KLRK1: variants seen among roughly 807,000 people sequenced by gnomAD.
KLRK1 encodes killer cell lectin like receptor K1, also known as NKG2-D type II integral membrane protein.
KLRK1 carries 40 observed loss-of-function variants against 31.3 expected under a neutral mutation model. The ratio of observed to expected loss-of-function variants is 1.28; its 90% CI spans 0.99 to 1.67. The LOEUF (loss-of-function observed/expected upper bound fraction) is 1.67, where lower values mean the gene tolerates loss of function less well. Among genes scored for constraint, KLRK1 ranks in the 40% most tolerant of loss-of-function variants. The pLI is 0.00. For synonymous variants in KLRK1, 77 were observed against 77.3 expected (o/e 1.00, Z 0.02); for missense variants, 251 against 260.0 (o/e 0.97, Z 0.24).
At chr12:10,382,596 T>G (rs1863096166) in intron 3 of KLRK1, among the ~76,000 whole-genome samples, 1 of 151,828 alleles carries the variant, frequency 6.6e-6, no homozygotes, top group African/African-American at 2.4e-5. Context: ...TAAAGAGAGT[T>G]TTTTCAGTCA....
chr12:10,376,112 A>C (rs1341912978), intron 7 of KLRK1, among the ~76,000 whole-genome samples: 2 of 152,220 alleles, frequency 1.3e-5, no homozygotes, highest in Non-Finnish European at 2.9e-5. Context: ...ACTGTCTGAA[A>C]AGATTTAGGG....
At chr12:10,383,944 G>T (rs1474813270) in intron 3 of KLRK1, among the ~76,000 whole-genome samples, 1 of 152,032 alleles carries the variant, frequency 6.6e-6, no homozygotes, top group Non-Finnish European at 1.5e-5. Context: ...ACAAAAATCA[G>T]TAGTGTTTCT....
At chr12:10,374,261 C>T (rs925284055) in intron 7 of KLRK1, 2 of 152,482 alleles carry the variant, frequency 1.3e-5, no homozygotes, top group East Asian at 3.9e-4. Context: ...AATACACCCA[C>T]CTCGGCCTCC....
rs199894132 is a variant in KLRK1, at chr12:10,378,752, T to C, written c.278-47A>G. On this transcript the variant is annotated intron_variant, in intron 5 of 7. Transcript: ENST00000240618. The stretch of plus-strand genomic sequence containing the variant: ...TTAATTCTACACATCTGAACCATTA[T>C]AGCAGATTTTGTCTAGACAAATTAA... 2.5e-5 allele frequency: 39 copies of C among 1,533,070 alleles called. No individual in the cohort carries two copies. In the African/African-American group the frequency reaches 2.6e-4, roughly 10 times the overall value. The allele number at this position is 1,533,070 out of a possible 1,614,324, so 95.0% of individuals were successfully genotyped here.
rs1862887399 is a variant in KLRK1, at chr12:10,372,870, G to A, written c.*244C>T. On this transcript the variant is annotated 3_prime_UTR_variant, in exon 8 of 8. Transcript: ENST00000240618. ...CCCAGCCCATCCACTCTGGGCTTGT[G>A]GTGGGAGAGGCAGCCTTGGGGATAT... The A allele has an allele frequency of 2.4e-6, 1 of 420,444 alleles. No individual in the cohort carries two copies. The highest frequency in any genetic ancestry group is 2.7e-5 in the South Asian group (1 of 37,094). The allele number at this position is 420,444 out of a possible 1,614,324, so 26.0% of individuals were successfully genotyped here. A position where few individuals can be genotyped will look rare whatever the true frequency, so the allele number is the denominator to read the frequency against.
intron 3 of KLRK1, among the ~76,000 whole-genome samples, 160 bp downstream of exon 3, chr12:10,386,743 A>G (rs1863173265): frequency 6.6e-6 from 1 of 151,820 alleles, no homozygotes; most frequent in African/African-American, 2.4e-5. Flanking sequence ...TTTTAATACC[A>G]TAATTTTATT....
rs774768144 is a variant in KLRK1, at chr12:10,378,717, GAATAT to G, written c.278-17_278-13del. 6.3e-7 allele frequency: 1 copy of G among 1,585,040 alleles called. No individual in the cohort carries two copies. Among genetic ancestry groups the G allele is most frequent in the Admixed American group, 2.0e-5 (1 of 50,926 alleles). ...GCCACAGTAACTTTCTGGAAAAGGAGAATATATTATTAATTCTACACATCTGAACC... is the reference window on the plus strand; with the variant it reads ...GCCACAGTAACTTTCTGGAAAAGGAGATTATTAATTCTACACATCTGAACC... On this transcript the variant is annotated splice_polypyrimidine_tract_variant and intron_variant, in intron 5 of 7. Transcript: ENST00000240618.
chr12:10,385,857 A>G (rs1052365978), intron 3 of KLRK1, among the ~76,000 whole-genome samples: 11 of 152,080 alleles, frequency 7.2e-5, no homozygotes, highest in Non-Finnish European at 1.5e-5. Flanking sequence ...GAATGGAAAT[A>G]TCACTGTATC....
Position 10,373,045 on chromosome 12 carries a change from A to G in KLRK1, c.*69T>C, listed in dbSNP as rs1351113. 0.71 allele frequency: 967,869 copies of G among 1,362,516 alleles called. 348,016 individuals are homozygous for G. The highest frequency in any genetic ancestry group is 0.89 in the East Asian group (37,480 of 42,266). The allele number at this position is 1,362,516 out of a possible 1,614,324, so 84.4% of individuals were successfully genotyped here. ...GTTTTTGTTTGTTTCCTTTAGTCTC[A>G]GTTGGCAGTGTTACCGCTGGTGTAA... On this transcript the variant is annotated 3_prime_UTR_variant, in exon 8 of 8. Coordinates refer to ENST00000240618, the MANE Select transcript of KLRK1 (RefSeq NM_007360.4).
intron 1 of KLRK1, 63 bp downstream of exon 1, chr12:10,389,880 G>A (rs531005220): frequency 1.3e-5 from 2 of 151,286 alleles, no homozygotes; most frequent in East Asian, 3.9e-4. Context: ...ATTTTTTTGA[G>A]GTTGAAATAT....
At chr12:10,384,191 A>G (rs1380406634) in intron 3 of KLRK1, among the ~76,000 whole-genome samples, 3 of 152,080 alleles carry the variant, frequency 2.0e-5, no homozygotes, top group African/African-American at 7.2e-5. Flanking sequence ...AAAGCAATCT[A>G]CAGATTCAGT....
chr12:10,372,860 C>A lies in KLRK1; in HGVS notation c.*254G>T, dbSNP rs1862887093. On this transcript the variant is annotated 3_prime_UTR_variant, in exon 8 of 8. Coordinates refer to ENST00000240618, the MANE Select transcript of KLRK1 (RefSeq NM_007360.4). ...GCACCCCTCCCCCAGCCCATCCACT[C>A]TGGGCTTGTGGTGGGAGAGGCAGCC... 2.5e-6 allele frequency: 1 copy of A among 407,652 alleles called. No individual in the cohort carries two copies. The highest frequency in any genetic ancestry group is 6.1e-5 in the East Asian group (1 of 16,402). 25.3% of individuals were successfully genotyped at this position (407,652 alleles called of 1,614,324 possible). A position where few individuals can be genotyped will look rare whatever the true frequency, so the allele number is the denominator to read the frequency against.
chr12:10,388,993 G>A (rs1284014618), intron 1 of KLRK1, 118 bp from the exon 2 acceptor site: 2 of 565,840 alleles, frequency 3.5e-6, no homozygotes, highest in Non-Finnish European at 5.9e-6. Context: ...TTTAAGAAAA[G>A]AATAGAAATG....
In KLRK1 at chr12:10,379,724, T is replaced by C; in HGVS notation, c.217A>G (p.Ile73Val). The change falls in exon 4 of 8, where the codon ATA becomes GTA. Residue 73 changes from isoleucine to valine, a missense_variant. Physicochemically the swap from Ile to Val is conservative, Grantham distance 29. Coordinates refer to ENST00000240618, the MANE Select transcript of KLRK1 (RefSeq NM_007360.4). ...CAGTTTAGGAATACAGCACTCCATA[T>C]TGTTACCATAATAATGAAACGGATT... ...MGIRFIIMVT[I>V]WSAVFLNSLF... 1 of 1,612,018 alleles carries C rather than the reference T, an allele frequency of 6.2e-7. No homozygotes were observed.
intron 7 of KLRK1, among the ~76,000 whole-genome samples, chr12:10,373,699 T>A (rs1373538144): frequency 9.8e-6 from 1 of 101,926 alleles, no homozygotes; most frequent in Non-Finnish European, 2.2e-5. Flanking sequence ...TGTATAAGTG[T>A]GTGTGTGTGT....
Position 10,373,014 on chromosome 12 carries a change from T to C in KLRK1, c.*100A>G. ...GAAATCTGACAGTCTTTGGTCATTT[T>C]GTCCTGTTTTTGTTTGTTTCCTTTA... On this transcript the variant is annotated 3_prime_UTR_variant, in exon 8 of 8. Transcript: ENST00000240618. 9.7e-7 allele frequency: 1 copy of C among 1,030,838 alleles called. No individual in the cohort carries two copies. The highest frequency in any genetic ancestry group is 1.5e-6 in the Non-Finnish European group (1 of 683,904). The allele number at this position is 1,030,838 out of a possible 1,614,324, so 63.9% of individuals were successfully genotyped here. A position where few individuals can be genotyped will look rare whatever the true frequency, so the allele number is the denominator to read the frequency against.
At chr12:10,376,653 T>TAAAG (rs1862972443) in intron 7 of KLRK1, among the ~76,000 whole-genome samples, 1 of 151,846 alleles carries the variant, frequency 6.6e-6, no homozygotes, top group Non-Finnish European at 1.5e-5. Context: ...CAGTAAATAA[T>TAAAG]AAAGATCAAA....
chr12:10,379,352 C>T, intron 5 of KLRK1, 95 bp downstream of exon 5: 2 of 674,184 alleles, frequency 3.0e-6, no homozygotes, highest in African/African-American at 1.9e-5. Flanking sequence ...GAATTAATTA[C>T]TTTTTCCTTT....
rs764433611 is a variant in KLRK1 at position 10,386,937 on chromosome 12, T to A, written c.114A>T (p.Arg38Ser). The A allele has an allele frequency of 3.7e-6, 6 of 1,612,176 alleles. No homozygotes were observed. In the Admixed American group the frequency reaches 6.7e-5, roughly 18 times the overall value. The change falls in exon 3 of 8, where the codon AGA becomes AGT. Residue 38 changes from arginine (R) to serine (S), a missense_variant. By Grantham distance (110) the Arg-to-Ser change is moderately radical. Coordinates refer to ENST00000240618, the MANE Select transcript of KLRK1 (RefSeq NM_007360.4). ...TACATTTGCTTTTGACTACTGGACATCTTTGCTTTTGCCATCGTGTTGAAA... is the reference window on the plus strand; with the variant it reads ...TACATTTGCTTTTGACTACTGGACAACTTTGCTTTTGCCATCGTGTTGAAA... ...SDFSTRWQKQ[R>S]CPVVKSKCRE...
Sources: allele counts gnomAD v4.1 joint callset (sites outside exome capture counted in the v4.1 genomes callset), GRCh38; gene constraint gnomAD v4.1.1; transcripts MANE v1.5; gene names NCBI Gene and HGNC (gene_info 2026-07-23, HGNC 2026-07-21).